The following INTS7 variants were observed in gnomAD, a reference collection of about 807,000 sequenced individuals.
INTS7 encodes chromosome 1 open reading frame 73.
In INTS7, 46 loss-of-function variants were observed where a neutral mutation model predicts 109.2. The observed-to-expected ratio is 0.42, with a 90% CI of 0.33 to 0.54. INTS7 has a LOEUF of 0.54. Among genes scored for constraint, INTS7 ranks in the 20% least tolerant of loss-of-function variants. The pLI is 0.07. For missense variants in INTS7, 929 were observed against 1,132.4 expected, an observed-to-expected ratio of 0.82 and a Z score of 2.58; for synonymous variants, 412 against 402.9, an observed-to-expected ratio of 1.02 and a Z score of -0.27.
Position 211,941,682 on chromosome 1 carries a change from T to A in INTS7, c.*142A>T. On this transcript the variant is annotated 3_prime_UTR_variant, in exon 20 of 20. Transcript: ENST00000366994. ...AGACAAAATTTTTAAGAAAACAAAA[T>A]TTTTTCCAGAATATTACATTACAAA... The A allele has an allele frequency of 7.5e-7, 1 of 1,326,006 alleles. No individual in the cohort carries two copies. The highest frequency in any genetic ancestry group is 1.5e-5 in the African/African-American group (1 of 67,298). The allele number at this position is 1,326,006 out of a possible 1,614,324, so 82.1% of individuals were successfully genotyped here.
intron 16 of INTS7, among the ~76,000 whole-genome samples, chr1:211,955,894 T>C (rs548830676): frequency 9.8e-5 from 15 of 152,326 alleles, no homozygotes; most frequent in African/African-American, 3.6e-4. Context: ...TATCTTAAGT[T>C]CTATTAAGAC....
In INTS7 at chr1:212,035,332, T is replaced by C. The variant is rs374082248; in HGVS notation, c.94+12A>G. Reference sequence around the variant, plus strand: ...CGCCTGTTTCACCCATTCAGCCCTCTCTTTCGAATACCTTTGTCCAATTCC... The same window carrying C: ...CGCCTGTTTCACCCATTCAGCCCTCCCTTTCGAATACCTTTGTCCAATTCC... On this transcript the variant is annotated intron_variant, in intron 1 of 19. Transcript: ENST00000366994. 1 of 1,584,320 alleles carries C rather than the reference T, an allele frequency of 6.3e-7. No individual in the cohort carries two copies. Among genetic ancestry groups the C allele is most frequent in the Non-Finnish European group, 8.7e-7 (1 of 1,153,014 alleles).
At chr1:211,952,761 A>G in intron 16 of INTS7, 60 bp from the exon 17 acceptor site, 2 of 1,312,872 alleles carry the variant, frequency 1.5e-6, no homozygotes, top group South Asian at 1.3e-5. Flanking sequence ...TAATGCCTAC[A>G]TGTATCAGGT....
At chr1:211,999,052 G>A (rs915902297) in intron 7 of INTS7, among the ~76,000 whole-genome samples, 2 of 152,248 alleles carry the variant, frequency 1.3e-5, no homozygotes, top group African/African-American at 2.4e-5. Flanking sequence ...AAATGGTATC[G>A]CAATTTTGGA....
chr1:211,969,754 T>C (rs1472910121), intron 13 of INTS7, among the ~76,000 whole-genome samples: 1 of 151,406 alleles, frequency 6.6e-6, no homozygotes, highest in Non-Finnish European at 1.5e-5. Flanking sequence ...GTTTCGCTCT[T>C]GTTGCCCAAG....
Position 211,976,749 on chromosome 1 carries a change from AATCATTTAATTTT to A in INTS7, c.1471-43_1471-31del, listed in dbSNP as rs759612912. 36 of 1,611,838 alleles carry A rather than the reference AATCATTTAATTTT, an allele frequency of 2.2e-5. No individual in the cohort carries two copies. In the African/African-American group the frequency reaches 4.1e-4, roughly 19 times the overall value. On this transcript the variant is annotated intron_variant, in intron 11 of 19. Coordinates refer to ENST00000366994, the MANE Select transcript of INTS7 (RefSeq NM_015434.4). The stretch of plus-strand genomic sequence containing the variant: ...CATTGGGCAAGAAGAAAACCAAGAA[AATCATTTAATTTT>A]ATTCAGTGTCATTGATAACCTACCC...
intron 5 of INTS7, among the ~76,000 whole-genome samples, chr1:212,010,750 G>A (rs1405207432): frequency 6.6e-6 from 1 of 152,156 alleles, no homozygotes. Flanking sequence ...ACAGTTACAT[G>A]TTGTATAGGC....
intron 17 of INTS7, among the ~76,000 whole-genome samples, chr1:211,947,194 G>A (rs369161190): frequency 6.6e-6 from 1 of 152,088 alleles, no homozygotes; most frequent in Admixed American, 6.5e-5. Context: ...AAACTTGGTC[G>A]AATTCAGATG....
Position 211,979,221 on chromosome 1 carries a change from C to T in INTS7, c.1231-710G>A, listed in dbSNP as rs539245753. Among the ~76,000 whole-genome samples, 4 of 152,284 alleles carry T rather than the reference C, an allele frequency of 2.6e-5. No homozygotes were observed. The South Asian group carries it at 6.2e-4, about 24-fold the overall frequency. On this transcript the variant is annotated intron_variant, in intron 10 of 19. Transcript: ENST00000366994. ...GTTGGCACTTTTCCATTCTCTCTACCACATCATAAATCTCTTCCTAATTCC... is the reference window on the plus strand; with the variant it reads ...GTTGGCACTTTTCCATTCTCTCTACTACATCATAAATCTCTTCCTAATTCC...
At chr1:211,982,864 G>C (rs1169682774) in intron 8 of INTS7, 54 bp from the exon 9 acceptor site, 1 of 1,420,462 alleles carries the variant, frequency 7.0e-7, no homozygotes, top group Non-Finnish European at 9.7e-7. Flanking sequence ...TTCAAAAGCA[G>C]TTCAGCTCAT....
At position 212,012,869 on chromosome 1, in the gene INTS7, T is replaced by G. The variant is rs189259056; in HGVS notation, c.510-1448A>C. Among the ~76,000 whole-genome samples the G allele has an allele frequency of 3.8e-4, 58 of 152,310 alleles. No homozygotes were observed. In the Middle Eastern group the frequency reaches 0.01, roughly 27 times the overall value. Reference sequence around the variant, plus strand: ...CATATATAAAATTTAATCACTAAACTACAAATTTATCATCCAAATTTAGAA... The same window carrying G: ...CATATATAAAATTTAATCACTAAACGACAAATTTATCATCCAAATTTAGAA... On this transcript the variant is annotated intron_variant, in intron 4 of 19. Transcript: ENST00000366994.
At chr1:211,965,471 C>A (rs1004049124) in intron 16 of INTS7, among the ~76,000 whole-genome samples, 3 of 152,154 alleles carry the variant, frequency 2.0e-5, no homozygotes, top group Admixed American at 1.3e-4. Flanking sequence ...GAATAGAAAT[C>A]ATTCTATCAT....
chr1:211,982,526 G>A, intron 9 of INTS7, 150 bp downstream of exon 9: 1 of 551,614 alleles, frequency 1.8e-6, no homozygotes, highest in Non-Finnish European at 3.2e-6. Context: ...GTAGTCTTAA[G>A]AACACATGCT....
chr1:212,025,932 G>A (rs911535690), intron 1 of INTS7, among the ~76,000 whole-genome samples: 8 of 152,162 alleles, frequency 5.3e-5, no homozygotes, highest in Non-Finnish European at 8.8e-5. Context: ...GAGGCTGGCA[G>A]ATCACCTGAG....
chr1:212,016,871 CTT>C lies in INTS7; in HGVS notation c.509+13_509+14del. On this transcript the variant is annotated intron_variant, in intron 4 of 19. Coordinates refer to ENST00000366994, the MANE Select transcript of INTS7 (RefSeq NM_015434.4). ...AAGCCAAATTACTAAAAGGGATGTA[CTT>C]TTGTAAGCTTACTTTGACTGTGCAG... is the stretch of plus-strand genomic sequence containing the variant. 1 of 1,580,708 alleles carries C rather than the reference CTT, an allele frequency of 6.3e-7. No individual in the cohort carries two copies.
chr1:211,957,921 C>G (rs1663442663), intron 16 of INTS7, among the ~76,000 whole-genome samples: 1 of 151,838 alleles, frequency 6.6e-6, no homozygotes, highest in Admixed American at 6.6e-5. Context: ...CTCAGTTTAT[C>G]AGAAGTTACT....
chr1:211,975,330 T>C lies in INTS7; in HGVS notation c.1651A>G (p.Thr551Ala). 6.2e-7 allele frequency: 1 copy of C among 1,613,956 alleles called. No homozygotes were observed. The highest frequency in any genetic ancestry group is 8.5e-7 in the Non-Finnish European group (1 of 1,179,974). ...TAGAAATGTTCTGAGGCAACCTGAG[T>C]CAGCAAACTCTGATAAAGCTCTTTG... ...MAKELYQSLL[T>A]QVASEHFYFW... Residue 551 changes from threonine to alanine, a missense_variant, in exon 13 of 20, where the codon ACT (threonine) becomes GCT (alanine). Physicochemically the swap from Thr to Ala is moderately conservative, Grantham distance 58. Transcript: ENST00000366994.
chr1:211,943,976 GCA>G (rs1399376547), intron 19 of INTS7, among the ~76,000 whole-genome samples: 3 of 152,130 alleles, frequency 2.0e-5, no homozygotes, highest in Admixed American at 1.3e-4. Flanking sequence ...CATTTCATGG[GCA>G]CAGATTCAGC....
intron 6 of INTS7, 100 bp from the exon 7 acceptor site, chr1:212,006,861 C>G (rs1024852078): frequency 5.1e-6 from 5 of 973,794 alleles, no homozygotes; most frequent in Non-Finnish European, 7.5e-6. Context: ...ACAGGACTCA[C>G]TTCAAATCAG....
Sources: allele counts gnomAD v4.1 joint callset (sites outside exome capture counted in the v4.1 genomes callset), GRCh38; gene constraint gnomAD v4.1.1; transcripts MANE v1.5; gene names NCBI Gene and HGNC (gene_info 2026-07-23, HGNC 2026-07-21).